The following NISCH variants were observed in gnomAD, a reference collection of about 807,000 sequenced individuals.
The protein encoded by NISCH is I-1 receptor candidate protein.
A neutral mutation model predicts 138.4 loss-of-function variants in NISCH; 55 were observed. The ratio of observed to expected loss-of-function variants is 0.40; its 90% CI spans 0.32 to 0.50. The LOEUF (loss-of-function observed/expected upper bound fraction) is 0.50, where lower values mean the gene tolerates loss of function less well. NISCH is among the 20% of genes least tolerant of loss of function. The pLI is 0.71. For missense variants in NISCH, 1,643 were observed against 2,005.5 expected, an observed-to-expected ratio of 0.82 and a Z score of 3.45; for synonymous variants, 860 against 861.5, an observed-to-expected ratio of 1.00 and a Z score of 0.03.
intron 9 of NISCH, 50 bp from the exon 10 acceptor site, chr3:52,478,047 T>C: frequency 6.3e-7 from 1 of 1,594,546 alleles, no homozygotes; most frequent in Non-Finnish European, 8.6e-7. Context: ...GGCCCCTATC[T>C]TTGGAGACTT....
intron 20 of NISCH, 98 bp from the exon 21 acceptor site, chr3:52,491,774 C>G: frequency 2.1e-6 from 3 of 1,437,164 alleles, no homozygotes; most frequent in Non-Finnish European, 2.8e-6. Context: ...TCCTGCCTGT[C>G]TCATGCCGGG....
rs372434074 is a variant in NISCH, at chr3:52,491,461, G to A, written c.3852G>A (p.Ser1284=). The part of the protein sequence containing the change: ...VVLSSLERTP[S]PEPVDKDFYS... Reference sequence around the variant, plus strand: ...TGTCCTCTCTGGAACGCACGCCCTCGCCGGAGCCTGTTGACAAGGACTTCT... The same window carrying A: ...TGTCCTCTCTGGAACGCACGCCCTCACCGGAGCCTGTTGACAAGGACTTCT... The change falls in exon 20 of 21, where the codon TCG becomes TCA. Residue 1284 remains serine (S), a synonymous_variant. Coordinates refer to ENST00000345716, the MANE Select transcript of NISCH (RefSeq NM_007184.4). 4.5e-5 allele frequency: 72 copies of A among 1,613,258 alleles called. No homozygotes were observed. The highest frequency in any genetic ancestry group is 5.1e-5 in the Non-Finnish European group (60 of 1,179,948).
chr3:52,485,638 T>C (rs530352893), intron 14 of NISCH, 140 bp from the exon 15 acceptor site: 7 of 901,074 alleles, frequency 7.8e-6, no homozygotes, highest in Middle Eastern at 2.9e-4. Context: ...CAGAGTGGGC[T>C]CCAGGGTACA....
At chr3:52,472,768 G>T (rs1195271684) in intron 6 of NISCH, among the ~76,000 whole-genome samples, 1 of 152,208 alleles carries the variant, frequency 6.6e-6, no homozygotes, top group Admixed American at 6.5e-5. Flanking sequence ...TCCCAAGGCC[G>T]ATTGGCAAAG....
intron 17 of NISCH, 136 bp from the exon 18 acceptor site, chr3:52,489,939 C>A: frequency 7.7e-7 from 1 of 1,300,948 alleles, no homozygotes; most frequent in Non-Finnish European, 1.1e-6. Flanking sequence ...CTCTCTTCCT[C>A]TCTGCCTTGA....
chr3:52,462,901 G>T (rs1706677047), intron 3 of NISCH, among the ~76,000 whole-genome samples: 1 of 152,208 alleles, frequency 6.6e-6, no homozygotes, highest in African/African-American at 2.4e-5. Flanking sequence ...CTCCCAAAGT[G>T]CTGGGATTAC....
At chr3:52,482,349 G>A (rs1462012363) in intron 13 of NISCH, among the ~76,000 whole-genome samples, 4 of 152,198 alleles carry the variant, frequency 2.6e-5, no homozygotes, top group Non-Finnish European at 4.4e-5. Context: ...GCCTCCCGTC[G>A]TGGCAGGCGC....
In NISCH at chr3:52,479,645, C is replaced by A. The variant is rs930268243; in HGVS notation, c.1303-104C>A. 9 of 847,132 alleles carry A rather than the reference C, an allele frequency of 1.1e-5. No homozygotes were observed. In the Admixed American group the frequency reaches 2.2e-4, roughly 21 times the overall value. The allele number at this position is 847,132 out of a possible 1,614,324, so 52.5% of individuals were successfully genotyped here. On this transcript the variant is annotated intron_variant, in intron 11 of 20. Transcript: ENST00000345716. ...TCCTCCTCAGCAGAGCCCTACCATC[C>A]TCCTGCCATGCTCACCAGTCCCCAT...
intron 5 of NISCH, 66 bp from the exon 6 acceptor site, chr3:52,472,237 C>A: frequency 7.0e-7 from 1 of 1,436,244 alleles, no homozygotes; most frequent in Non-Finnish European, 9.8e-7. Flanking sequence ...AACTTGTCAG[C>A]TGCTGCAGCA....
intron 7 of NISCH, among the ~76,000 whole-genome samples, chr3:52,474,542 C>T (rs943838795): frequency 3.3e-5 from 5 of 152,034 alleles, no homozygotes; most frequent in Non-Finnish European, 7.4e-5. Flanking sequence ...GTGATCCACC[C>T]GCCTCGGCCT....
At chr3:52,457,322 C>T (rs1706502924) in intron 1 of NISCH, among the ~76,000 whole-genome samples, 1 of 152,174 alleles carries the variant, frequency 6.6e-6, no homozygotes, top group South Asian at 2.1e-4. Context: ...ATTCCTGGCT[C>T]AGCAGCAGAA....
chr3:52,484,462 T>TGGGGGC, intron 13 of NISCH, 51 bp from the exon 14 acceptor site: 32 of 788,670 alleles, frequency 4.1e-5, no homozygotes, highest in Non-Finnish European at 5.5e-5. Flanking sequence ...ACAGCCGCTC[T>TGGGGGC]CCCCGCCCCA....
intron 13 of NISCH, 46 bp from the exon 14 acceptor site, chr3:52,484,467 G>A (rs781716819): frequency 1.0e-5 from 2 of 199,140 alleles, no homozygotes; most frequent in Admixed American, 4.8e-5. Context: ...CGCTCTCCCC[G>A]CCCCACCCAC....
chr3:52,474,707 C>T (rs1418081228), intron 7 of NISCH, among the ~76,000 whole-genome samples: 1 of 152,190 alleles, frequency 6.6e-6, no homozygotes, highest in Non-Finnish European at 1.5e-5. Flanking sequence ...GCTGGGATTA[C>T]AGGCATGAGC....
Position 52,479,838 on chromosome 3 carries a change from C to T in NISCH, c.1392C>T (p.Ser464=), listed in dbSNP as rs1232865500. 4 of 1,613,318 alleles carry T rather than the reference C, an allele frequency of 2.5e-6. No homozygotes were observed. Among genetic ancestry groups the T allele is most frequent in the African/African-American group, 2.7e-5 (2 of 74,902 alleles). ...KAIQKAKEVK[S]KLSNPEKKGG... is the part of the protein sequence containing the mutation. Reference sequence around the variant, plus strand: ...TTCAGAAAGCCAAGGAGGTCAAGTCCAAACTGAGCAACCCAGAGAAGAAGG... The same window carrying T: ...TTCAGAAAGCCAAGGAGGTCAAGTCTAAACTGAGCAACCCAGAGAAGAAGG... The change falls in exon 12 of 21, where the codon TCC becomes TCT. Residue 464 remains serine, a synonymous_variant. Coordinates refer to ENST00000345716, the MANE Select transcript of NISCH (RefSeq NM_007184.4).
At chr3:52,468,308 TGG>T (rs1706845028) in intron 3 of NISCH, among the ~76,000 whole-genome samples, 4 of 152,124 alleles carry the variant, frequency 2.6e-5, no homozygotes, top group Admixed American at 2.0e-4. Context: ...GTACTGATCG[TGG>T]GGAACCCTTT....
intron 13 of NISCH, 51 bp from the exon 14 acceptor site, chr3:52,484,462 T>TG: frequency 4.1e-5 from 32 of 788,664 alleles, no homozygotes; most frequent in Non-Finnish European, 5.5e-5. Context: ...ACAGCCGCTC[T>TG]CCCCGCCCCA....
chr3:52,483,494 G>C (rs1038564348), intron 13 of NISCH, among the ~76,000 whole-genome samples: 1 of 152,242 alleles, frequency 6.6e-6, no homozygotes, highest in South Asian at 2.1e-4. Context: ...CTGAGGTGGA[G>C]TAACAGGTCC....
At chr3:52,480,524 C>A in intron 13 of NISCH, 1 of 1,504,426 alleles carries the variant, frequency 6.6e-7, no homozygotes, top group Non-Finnish European at 8.8e-7. Context: ...CTCTGATGCC[C>A]ACATCCAGCT....
Sources: allele counts gnomAD v4.1 joint callset (sites outside exome capture counted in the v4.1 genomes callset), GRCh38; gene constraint gnomAD v4.1.1; transcripts MANE v1.5; gene names NCBI Gene and HGNC (gene_info 2026-07-23, HGNC 2026-07-21).